The following FGD4 variants were observed in gnomAD, a reference collection of about 807,000 sequenced individuals.
FGD4 encodes FYVE, RhoGEF and PH domain-containing protein 4.
Under a neutral mutation model 102.0 loss-of-function variants are expected in FGD4, and 42 were observed. The ratio of observed to expected loss-of-function variants is 0.41; its 90% CI spans 0.32 to 0.53. The LOEUF is 0.53. Ranked by LOEUF, FGD4 falls within the 20% of genes least tolerant of loss-of-function variation. FGD4 has a pLI of 0.21. For missense variants in FGD4, 902 were observed against 1,078.2 expected (o/e 0.84, Z 2.29); for synonymous variants, 380 against 375.7 (o/e 1.01, Z -0.13).
At chr12:32,576,183 A>G in intron 2 of FGD4, 83 bp from the exon 3 acceptor site, 1 of 1,380,952 alleles carries the variant, frequency 7.2e-7, no homozygotes, top group Non-Finnish European at 9.9e-7. Context: ...AATGCTGAAT[A>G]TTTTTGCACC....
intron 1 of FGD4, among the ~76,000 whole-genome samples, chr12:32,495,093 T>C (rs1206197494): frequency 6.6e-6 from 1 of 152,160 alleles, no homozygotes; most frequent in Non-Finnish European, 1.5e-5. Context: ...GTTTAATACT[T>C]CTTACAGCTG....
intron 1 of FGD4, among the ~76,000 whole-genome samples, chr12:32,443,232 A>T (rs1341879679): frequency 6.6e-6 from 1 of 152,214 alleles, no homozygotes; most frequent in Non-Finnish European, 1.5e-5. Flanking sequence ...ATGTCTGACA[A>T]TCTGACATCA....
At chr12:32,606,308 T>C (rs962746695) in intron 7 of FGD4, among the ~76,000 whole-genome samples, 5 of 152,046 alleles carry the variant, frequency 3.3e-5, no homozygotes, top group Non-Finnish European at 7.4e-5. Context: ...CCCGTCCCCC[T>C]AAAGCCACAC....
chr12:32,564,836 G>C (rs1295614678), intron 2 of FGD4, among the ~76,000 whole-genome samples: 1 of 152,210 alleles, frequency 6.6e-6, no homozygotes, highest in Non-Finnish European at 1.5e-5. Context: ...TAGGAAGCTT[G>C]AATGATTTTT....
chr12:32,618,992 T>C (rs569442946), intron 10 of FGD4, among the ~76,000 whole-genome samples: 1 of 152,330 alleles, frequency 6.6e-6, no homozygotes, highest in Non-Finnish European at 1.5e-5. Flanking sequence ...TCTAACACCT[T>C]GTTTTAGACT....
chr12:32,550,910 C>CT (rs1330064012), intron 1 of FGD4, among the ~76,000 whole-genome samples: 1 of 152,032 alleles, frequency 6.6e-6, no homozygotes, highest in Non-Finnish European at 1.5e-5. Context: ...CTTGAATTAC[C>CT]TGCAGTAAAT....
chr12:32,620,520 C>CTTTCTTTCTTTCTTTTTTTTTT (rs1949747434), intron 11 of FGD4, among the ~76,000 whole-genome samples: 1 of 91,136 alleles, frequency 1.1e-5, no homozygotes, highest in African/African-American at 4.6e-5. Flanking sequence ...TTTTTTCTTT[C>CTTTCTTTCTTTCTTTTTTTTTT]TTTTTTTTTT....
chr12:32,602,455 C>A, intron 7 of FGD4, 138 bp downstream of exon 7: 3 of 941,772 alleles, frequency 3.2e-6, no homozygotes, highest in East Asian at 2.6e-5. Context: ...TTATGCAGAT[C>A]ATCTCTGCAA....
At chr12:32,449,831 C>T (rs560727529) in intron 1 of FGD4, among the ~76,000 whole-genome samples, 10 of 152,118 alleles carry the variant, frequency 6.6e-5, no homozygotes, top group African/African-American at 2.2e-4. Flanking sequence ...CTTGACCTCC[C>T]GGGCTCAAGG....
intron 3 of FGD4, among the ~76,000 whole-genome samples, chr12:32,581,711 C>T (rs1046202166): frequency 4.6e-5 from 7 of 152,134 alleles, no homozygotes; most frequent in African/African-American, 1.7e-4. Flanking sequence ...ATAAACAGCC[C>T]AAGGAAATGT....
At chr12:32,530,966 TTTTTGA>T in intron 1 of FGD4, among the ~76,000 whole-genome samples, 1 of 139,916 alleles carries the variant, frequency 7.1e-6, no homozygotes, top group African/African-American at 2.7e-5. Flanking sequence ...TTTTTTTTTT[TTTTTGA>T]GACAGAGCCT....
At chr12:32,529,259 C>T (rs1399786476) in intron 1 of FGD4, among the ~76,000 whole-genome samples, 8 of 151,876 alleles carry the variant, frequency 5.3e-5, no homozygotes, top group Non-Finnish European at 7.4e-5. Flanking sequence ...GTACTACAGG[C>T]GTGCACCACC....
intron 1 of FGD4, among the ~76,000 whole-genome samples, chr12:32,467,348 C>A (rs1404642731): frequency 6.6e-6 from 1 of 152,108 alleles, no homozygotes; most frequent in Non-Finnish European, 1.5e-5. Flanking sequence ...GCTTGTGGGA[C>A]CTTAGGAACC....
intron 1 of FGD4, among the ~76,000 whole-genome samples, chr12:32,402,601 ATTT>A (rs11365381): frequency 2.7e-5 from 4 of 146,712 alleles, no homozygotes; most frequent in Admixed American, 6.8e-5. Flanking sequence ...GGCACACACC[ATTT>A]TTTTTTTTTT....
Position 32,453,199 on chromosome 12 carries a change from A to ATATT in FGD4, c.166+53241_166+53242insATTT, listed in dbSNP as rs1555183323. Among the ~76,000 whole-genome samples, 7 of 61,138 alleles carry ATATT rather than the reference A, an allele frequency of 1.1e-4. No individual in the cohort carries two copies. The South Asian group carries it at 2.9e-3, about 25-fold the overall frequency. 40.1% of individuals were successfully genotyped at this position (61,138 alleles called of 152,430 possible). Reference sequence around the variant, plus strand: ...TATTATATATATATTTTATATATATATTATATATATATATATATATAATAT... The same window carrying ATATT: ...TATTATATATATATTTTATATATATATATTTTATATATATATATATATATAATAT... On this transcript the variant is annotated intron_variant, in intron 1 of 16. Coordinates refer to ENST00000534526, the MANE Select transcript of FGD4 (RefSeq NM_001370298.3).
chr12:32,620,385 T>C (rs1214832780), intron 11 of FGD4, among the ~76,000 whole-genome samples: 2 of 152,144 alleles, frequency 1.3e-5, no homozygotes, highest in Non-Finnish European at 2.9e-5. Context: ...AGGGAGCCAT[T>C]AGGGGCTCAG....
intron 1 of FGD4, among the ~76,000 whole-genome samples, chr12:32,558,286 T>C (rs1944276049): frequency 6.6e-6 from 1 of 152,160 alleles, no homozygotes; most frequent in Non-Finnish European, 1.5e-5. Flanking sequence ...AGTATGTTTA[T>C]CCTTATGGAC....
At chr12:32,465,692 C>T (rs1195640347) in intron 1 of FGD4, among the ~76,000 whole-genome samples, 1 of 151,818 alleles carries the variant, frequency 6.6e-6, no homozygotes, top group African/African-American at 2.4e-5. Flanking sequence ...CAAAGAAAGA[C>T]CCTCCATTAG....
At chr12:32,590,806 ATC>A (rs765290307) in intron 4 of FGD4, among the ~76,000 whole-genome samples, 4 of 152,228 alleles carry the variant, frequency 2.6e-5, no homozygotes, top group Non-Finnish European at 4.4e-5. Flanking sequence ...GGTTGTCACC[ATC>A]TCTCACTTGT....
Sources: gnomAD v4.1 joint callset for allele counts (sites outside exome capture counted in the v4.1 genomes callset) on GRCh38, gnomAD v4.1.1 for gene constraint, MANE v1.5 for transcripts, NCBI Gene and HGNC (gene_info 2026-07-23, HGNC 2026-07-21) for gene names.